ARHGAP22: variants seen among roughly 807,000 people sequenced by gnomAD.
ARHGAP22 encodes the protein rho GTPase-activating protein 22.
In ARHGAP22, 48 loss-of-function variants were observed where a neutral mutation model predicts 59.1. The observed-to-expected ratio is 0.81, with a 90% CI of 0.64 to 1.03. ARHGAP22 has a LOEUF of 1.03. Among genes scored for constraint, ARHGAP22 ranks in the 50% least tolerant of loss-of-function variants. The probability of loss-of-function intolerance (pLI) is 0.00; values close to 1 mark genes in which losing one functional copy is unlikely to be tolerated. For missense variants in ARHGAP22, 1,015 were observed against 958.7 expected (o/e 1.06, Z -0.78); for synonymous variants, 445 against 416.4 (o/e 1.07, Z -0.84).
At chr10:48,587,616 T>A (rs570378383) in intron 1 of ARHGAP22, among the ~76,000 whole-genome samples, 141 of 152,330 alleles carry the variant, frequency 9.3e-4, no homozygotes, top group African/African-American at 3.2e-3. Context: ...TTATCTCTTA[T>A]CAGAGAATCT....
At chr10:48,531,668 G>A (rs1449949017) in intron 3 of ARHGAP22, among the ~76,000 whole-genome samples, 2 of 4,330 alleles carry the variant, frequency 4.6e-4, no homozygotes, top group Non-Finnish European at 2.5e-3. Context: ...CCGAAGTACA[G>A]AGAAGTGAGG....
chr10:48,614,487 T>G (rs1216386303), intron 1 of ARHGAP22, among the ~76,000 whole-genome samples: 1 of 152,162 alleles, frequency 6.6e-6, no homozygotes, highest in Non-Finnish European at 1.5e-5. Context: ...ATGCTAAATA[T>G]AATACAGAAC....
chr10:48,459,773 C>T lies in ARHGAP22; in HGVS notation c.570G>A (p.Glu190=). 6.2e-7 allele frequency: 1 copy of T among 1,614,074 alleles called. No homozygotes were observed. ...VDFIRERGLT[E]EGLFRMPGQA... ...GGCCTGGCATGCGGAACAGCCCCTC[C>T]TCAGTGAGCCCGCGCTCCCGGATGA... Residue 190 remains glutamate (E), a synonymous_variant, in exon 5 of 10, where the codon GAG becomes GAA. Transcript: ENST00000249601.
At chr10:48,442,696 C>A (rs376713285), downstream of ARHGAP22, among the ~76,000 whole-genome samples, 27 of 152,272 alleles carry the variant, frequency 1.8e-4, no homozygotes, top group Admixed American at 1.5e-3. Flanking sequence ...TTACCACAGA[C>A]CCTGCCCCTT....
intron 1 of ARHGAP22, among the ~76,000 whole-genome samples, chr10:48,643,303 C>T (rs1049442540): frequency 9.2e-5 from 14 of 152,002 alleles, no homozygotes; most frequent in African/African-American, 2.9e-4. Flanking sequence ...GCAATAAACA[C>T]GCATGTTTAT....
chr10:48,483,858 G>A (rs1004338162), intron 3 of ARHGAP22, among the ~76,000 whole-genome samples: 1 of 32,044 alleles, frequency 3.1e-5, no homozygotes. Flanking sequence ...TTCCTTTGCT[G>A]TGCAGAAGAT....
chr10:48,537,912 G>A (rs528442471), intron 3 of ARHGAP22, among the ~76,000 whole-genome samples: 6 of 152,314 alleles, frequency 3.9e-5, no homozygotes, highest in African/African-American at 1.4e-4. Context: ...TTGGTCTTCC[G>A]GCCCCTGAGA....
intron 3 of ARHGAP22, chr10:48,493,343 C>A: frequency 1.6e-6 from 2 of 1,284,744 alleles, no homozygotes; most frequent in South Asian, 1.3e-5. Flanking sequence ...CTGGTTGCGG[C>A]CACCAAACAC....
chr10:48,435,288 A>G, the ARHGAP22 span: 1 of 342,978 alleles, frequency 2.9e-6, no homozygotes, highest in Non-Finnish European at 5.2e-6. Context: ...TTATTTTATC[A>G]TGGTTTAAAT....
chr10:48,619,521 C>T lies in ARHGAP22; in HGVS notation c.52+32713G>A, dbSNP rs554430689. Among the ~76,000 whole-genome samples the T allele has an allele frequency of 8.5e-5, 13 of 152,234 alleles. No individual in the cohort carries two copies. In the East Asian group the frequency reaches 2.1e-3, roughly 25 times the overall value. On this transcript the variant is annotated intron_variant, in intron 1 of 9. Transcript: ENST00000435790. ...TAGACCAATGGCAGAGAATAGAGAG[C>T]ACAGAAATAAATCCACAGATTTACA...
chr10:48,446,313 A>C lies in ARHGAP22; in HGVS notation c.*78T>G. On this transcript the variant is annotated 3_prime_UTR_variant, in exon 10 of 10. Transcript: ENST00000249601. The stretch of plus-strand genomic sequence containing the variant: ...TGGCTCCAGAGCGCCTGGCTGCTCC[A>C]GAGATACAGACGCTTCTAACTCCAT... 2.0e-6 allele frequency: 3 copies of C among 1,501,368 alleles called. No individual in the cohort carries two copies. The highest frequency in any genetic ancestry group is 1.8e-6 in the Non-Finnish European group (2 of 1,097,324). 93.0% of individuals were successfully genotyped at this position (1,501,368 alleles called of 1,614,324 possible).
At chr10:48,625,693 T>TACACACACACACACAC (rs56897057) in intron 1 of ARHGAP22, among the ~76,000 whole-genome samples, 2 of 138,878 alleles carry the variant, frequency 1.4e-5, no homozygotes, top group African/African-American at 2.7e-5. Context: ...CTGCAACGTG[T>TACACACACACACACAC]ACACACACAC....
At chr10:48,454,056 A>G (rs1020407653) in intron 7 of ARHGAP22, 32 bp downstream of exon 7, 3 of 1,604,426 alleles carry the variant, frequency 1.9e-6, no homozygotes, top group Non-Finnish European at 1.7e-6. Flanking sequence ...CCAGTGCAGG[A>G]AAGTGTGGTT....
At chr10:48,613,566 G>A in intron 1 of ARHGAP22, among the ~76,000 whole-genome samples, 1 of 151,824 alleles carries the variant, frequency 6.6e-6, no homozygotes, top group Non-Finnish European at 1.5e-5. Flanking sequence ...TATGACAGAA[G>A]TACATCTAAG....
chr10:48,459,617 C>G, intron 5 of ARHGAP22, 67 bp downstream of exon 5: 1 of 1,563,276 alleles, frequency 6.4e-7, no homozygotes, highest in South Asian at 1.1e-5. Flanking sequence ...GAGCTGGTGT[C>G]CTGGGCAGGA....
intron 3 of ARHGAP22, among the ~76,000 whole-genome samples, chr10:48,484,722 C>G (rs745884317): frequency 7.9e-5 from 12 of 152,178 alleles, no homozygotes; most frequent in Non-Finnish European, 1.6e-4. Flanking sequence ...TTGTCAGTTT[C>G]ATCTAAGTTA....
At chr10:48,531,709 G>A (rs1463669019) in intron 3 of ARHGAP22, among the ~76,000 whole-genome samples, 1 of 152,134 alleles carries the variant, frequency 6.6e-6, no homozygotes, top group African/African-American at 2.4e-5. Flanking sequence ...GAAGTCATTT[G>A]CACAAGGTCA....
At chr10:48,589,089 C>A (rs2059602570) in intron 1 of ARHGAP22, among the ~76,000 whole-genome samples, 1 of 152,158 alleles carries the variant, frequency 6.6e-6, no homozygotes, top group Admixed American at 6.5e-5. Context: ...GAGGGTGGCC[C>A]ACATACCTGC....
intron 1 of ARHGAP22, among the ~76,000 whole-genome samples, chr10:48,649,300 G>A (rs1487703717): frequency 6.6e-6 from 1 of 152,160 alleles, no homozygotes; most frequent in African/African-American, 2.4e-5. Context: ...CCAGCAGTGG[G>A]GGAGAGAGTC....
Sources: allele counts gnomAD v4.1 joint callset (sites outside exome capture counted in the v4.1 genomes callset), GRCh38; gene constraint gnomAD v4.1.1; transcripts MANE v1.5; gene names NCBI Gene and HGNC (gene_info 2026-07-23, HGNC 2026-07-21).